The following DCHS2 variants were observed in gnomAD, a reference collection of about 807,000 sequenced individuals.
DCHS2 encodes the protein protocadherin-23.
A neutral mutation model predicts 182.4 loss-of-function variants in DCHS2; 142 were observed. The observed-to-expected ratio is 0.78, with a 90% CI of 0.68 to 0.89. DCHS2 has a LOEUF of 0.89. DCHS2 is among the 40% of genes least tolerant of loss of function. The pLI, the probability that DCHS2 is intolerant of heterozygous loss-of-function variation, is 0.00. For missense variants in DCHS2, 4,319 were observed against 4,198.6 expected, an observed-to-expected ratio of 1.03 and a Z score of -0.79; for synonymous variants, 1,740 against 1,663.3, an observed-to-expected ratio of 1.05 and a Z score of -1.12.
At chr4:154,251,349 G>A (rs1193283204) in intron 16 of DCHS2, among the ~76,000 whole-genome samples, 1 of 151,944 alleles carries the variant, frequency 6.6e-6, no homozygotes, top group Non-Finnish European at 1.5e-5. Context: ...TACTAGCTTC[G>A]GATTCTTGGC....
chr4:154,236,177 GAA>G lies in DCHS2; in HGVS notation c.8473_8474del (p.Phe2825ProfsTer3), dbSNP rs1731488163. The G allele has an allele frequency of 1.9e-6, 3 of 1,613,780 alleles. No homozygotes were observed. The highest frequency in any genetic ancestry group is 1.3e-5 in the African/African-American group (1 of 74,908). The stretch of plus-strand genomic sequence containing the variant: ...TATCCCCTGTCAAAGGGTCAATGAG[GAA>G]GAGATCATGATCATAAGACATTCCA... ...THGMSYDHDL[F>X]LIDPLTGDIH... On this transcript the variant is annotated frameshift_variant, in exon 20 of 20. Coordinates refer to ENST00000357232, the MANE Select transcript of DCHS2 (RefSeq NM_001358235.2). LOFTEE classifies it low-confidence loss of function (END_TRUNC).
At chr4:154,400,571 A>G (rs1221007827) in intron 1 of DCHS2, among the ~76,000 whole-genome samples, 1 of 152,198 alleles carries the variant, frequency 6.6e-6, no homozygotes, top group African/African-American at 2.4e-5. Flanking sequence ...GACACTTTCA[A>G]AAGCAATAGG....
chr4:154,447,862 A>C (rs1255077061), intron 1 of DCHS2, among the ~76,000 whole-genome samples: 1 of 152,232 alleles, frequency 6.6e-6, no homozygotes, highest in Non-Finnish European at 1.5e-5. Context: ...TGAATGTGGC[A>C]GACACCTTTT....
intron 1 of DCHS2, among the ~76,000 whole-genome samples, chr4:154,417,062 C>G (rs1293870804): frequency 6.6e-6 from 1 of 152,072 alleles, no homozygotes; most frequent in Non-Finnish European, 1.5e-5. Context: ...ACCACAGGAT[C>G]GCGGCGGGGT....
chr4:154,458,711 A>G (rs568573654), intron 1 of DCHS2, among the ~76,000 whole-genome samples: 1 of 152,354 alleles, frequency 6.6e-6, no homozygotes, highest in South Asian at 2.1e-4. Flanking sequence ...GTGCAGATAT[A>G]TGCTGAAAAC....
rs1170126536 is a variant in DCHS2 at position 154,302,974 on chromosome 4, C to T, written c.5605+1695G>A. Among the ~76,000 whole-genome samples, 32 of 106,342 alleles carry T rather than the reference C, an allele frequency of 3.0e-4. No homozygotes were observed. In the East Asian group the frequency reaches 7.6e-3, roughly 25 times the overall value. The allele number at this position is 106,342 out of a possible 152,430, so 69.8% of individuals were successfully genotyped here. A position where few individuals can be genotyped will look rare whatever the true frequency, so the allele number is the denominator to read the frequency against. ...ACACACACACACACACACACCCACA[C>T]ACACACATATTTTTTTTTTTTTTTG... On this transcript the variant is annotated intron_variant, in intron 12 of 19. Transcript: ENST00000357232.
intron 10 of DCHS2, 91 bp from the exon 11 acceptor site, chr4:154,305,322 C>T (rs1006571390): frequency 5.7e-6 from 8 of 1,405,774 alleles, no homozygotes; most frequent in Non-Finnish European, 6.5e-6. Context: ...ACATGTTAGG[C>T]CATAGATGAA....
At chr4:154,354,116 G>C (rs1394933404) in intron 3 of DCHS2, among the ~76,000 whole-genome samples, 3 of 152,080 alleles carry the variant, frequency 2.0e-5, no homozygotes, top group Non-Finnish European at 1.5e-5. Context: ...AGTGGAGATA[G>C]AGTTTCACCA....
intron 13 of DCHS2, among the ~76,000 whole-genome samples, chr4:154,292,450 T>C (rs1734710755): frequency 6.6e-6 from 1 of 152,194 alleles, no homozygotes; most frequent in African/African-American, 2.4e-5. Context: ...AGTTGTTCCA[T>C]TTAGCTATGA....
chr4:154,342,799 C>A (rs1017023484), intron 3 of DCHS2, among the ~76,000 whole-genome samples: 2 of 152,092 alleles, frequency 1.3e-5, no homozygotes, highest in Non-Finnish European at 2.9e-5. Flanking sequence ...CCTATGTTAA[C>A]CTCCCTCCAT....
chr4:154,293,433 C>T (rs898216220), intron 13 of DCHS2, among the ~76,000 whole-genome samples: 6 of 152,092 alleles, frequency 3.9e-5, no homozygotes, highest in Non-Finnish European at 5.9e-5. Context: ...CCACCCACCC[C>T]GGCTTCCCAA....
chr4:154,240,034 C>A (rs1731724338), intron 18 of DCHS2, among the ~76,000 whole-genome samples: 1 of 152,130 alleles, frequency 6.6e-6, no homozygotes, highest in Non-Finnish European at 1.5e-5. Context: ...TTCAAAAGTT[C>A]TGGAGTCCAT....
At chr4:154,359,695 A>G (rs112075172) in intron 3 of DCHS2, among the ~76,000 whole-genome samples, 5 of 152,208 alleles carry the variant, frequency 3.3e-5, no homozygotes, top group Admixed American at 6.5e-5. Flanking sequence ...TTTATTTTGC[A>G]CACAAATCTT....
chr4:154,304,443 A>G (rs565489007), intron 12 of DCHS2, among the ~76,000 whole-genome samples: 9 of 152,280 alleles, frequency 5.9e-5, no homozygotes, highest in African/African-American at 2.2e-4. Flanking sequence ...ACAGGTATCA[A>G]ACACAGAGTA....
chr4:154,433,313 C>A (rs895892005), intron 1 of DCHS2, among the ~76,000 whole-genome samples: 1 of 151,642 alleles, frequency 6.6e-6, no homozygotes, highest in Admixed American at 6.6e-5. Context: ...TTCAGAGGGA[C>A]CATGGCCCTG....
Position 154,241,963 on chromosome 4 carries a change from G to A in DCHS2, c.7072+679C>T, listed in dbSNP as rs552776879. Among the ~76,000 whole-genome samples the A allele has an allele frequency of 1.2e-4, 18 of 152,172 alleles. 1 individual carries two copies. Among genetic ancestry groups the A allele is most frequent in the Admixed American group, 5.9e-4 (9 of 15,278 alleles). On this transcript the variant is annotated intron_variant, in intron 17 of 19. Transcript: ENST00000357232. Reference sequence around the variant, plus strand: ...TAGAAACATTTTAGGAATTAATGTCGTATTACGAGTGAAGTAGAGAGGCAA... The same window carrying A: ...TAGAAACATTTTAGGAATTAATGTCATATTACGAGTGAAGTAGAGAGGCAA...
In DCHS2 at chr4:154,320,367, A is replaced by C; in HGVS notation, c.5020+12T>G. 1 of 1,605,752 alleles carries C rather than the reference A, an allele frequency of 6.2e-7. No homozygotes were observed. Among genetic ancestry groups the C allele is most frequent in the Non-Finnish European group, 8.5e-7 (1 of 1,175,776 alleles). On this transcript the variant is annotated intron_variant, in intron 9 of 19. Coordinates refer to ENST00000357232, the MANE Select transcript of DCHS2 (RefSeq NM_001358235.2). ...TAAAATATTTTTAAAAGTGACATAT[A>C]GGGCACTGTACCTGATGACTCATCT...
intron 1 of DCHS2, chr4:154,384,566 T>TC: frequency 2.7e-6 from 4 of 1,492,622 alleles, no homozygotes; most frequent in East Asian, 2.5e-5. Flanking sequence ...AAGTAGTGAG[T>TC]ACTACCTTAT....
intron 1 of DCHS2, among the ~76,000 whole-genome samples, chr4:154,452,069 C>G (rs1734558252): frequency 6.6e-6 from 1 of 152,204 alleles, no homozygotes; most frequent in South Asian, 2.1e-4. Flanking sequence ...AGTGGCCACA[C>G]AGTCATCTAG....
Sources: allele counts gnomAD v4.1 joint callset (sites outside exome capture counted in the v4.1 genomes callset), GRCh38; gene constraint gnomAD v4.1.1; transcripts MANE v1.5; gene names NCBI Gene and HGNC (gene_info 2026-07-23, HGNC 2026-07-21).